TDRD6: variants seen among roughly 807,000 people sequenced by gnomAD.
TDRD6 encodes tudor domain containing 6.
A neutral mutation model predicts 157.5 loss-of-function variants in TDRD6; 186 were observed. That is an observed-to-expected ratio of 1.18 (90% CI 1.05 to 1.33). The LOEUF is 1.33. Ranked by LOEUF, TDRD6 falls within the 40% of genes most tolerant of loss-of-function variation. The pLI, the probability that TDRD6 is intolerant of heterozygous loss-of-function variation, is 0.00. For synonymous variants in TDRD6, 1,075 were observed against 945.2 expected (o/e 1.14, Z -2.52); for missense variants, 3,066 against 2,508.0 (o/e 1.22, Z -4.75).
At chr6:46,695,435 A>C (rs1288301279) in intron 1 of TDRD6, among the ~76,000 whole-genome samples, 2 of 152,150 alleles carry the variant, frequency 1.3e-5, no homozygotes, top group Non-Finnish European at 2.9e-5. Context: ...CATATTTAAT[A>C]ATAGTATTAA....
upstream of TDRD6, among the ~76,000 whole-genome samples, chr6:46,686,476 TA>T (rs35028991): frequency 0.33 from 42,342 of 127,696 alleles, 6,265 homozygotes; most frequent in South Asian, 0.52. Flanking sequence ...TAGAAGTATG[TA>T]AAAAAAAAAA....
rs1764305681 is a variant in TDRD6, at chr6:46,691,208, T to A, written c.3080T>A (p.Leu1027Gln). The change falls in exon 1 of 4, where the codon CTG (leucine) becomes CAG (glutamine). Residue 1027 changes from leucine to glutamine, a missense_variant. Physicochemically the swap from Leu to Gln is moderately radical, Grantham distance 113 (BLOSUM62 -2). Coordinates refer to ENST00000316081, the MANE Select transcript of TDRD6 (RefSeq NM_001010870.3). ...CSITQLSKVL[L>Q]NLKTSPLNPG... ...ATTACACAATTAAGTAAAGTTTTGC[T>A]GAATTTAAAAACATCTCCCTTGAAC... 26 of 1,613,258 alleles carry A rather than the reference T, an allele frequency of 1.6e-5. No homozygotes were observed. The highest frequency in any genetic ancestry group is 2.2e-5 in the Non-Finnish European group (26 of 1,179,744).
At chr6:46,697,376 C>T (rs939423206) in intron 2 of TDRD6, among the ~76,000 whole-genome samples, 1 of 152,090 alleles carries the variant, frequency 6.6e-6, no homozygotes, top group African/African-American at 2.4e-5. Flanking sequence ...CAATCCTATA[C>T]CTCCTACTAC....
intron 3 of TDRD6, among the ~76,000 whole-genome samples, chr6:46,700,039 C>A (rs1439707886): frequency 6.6e-6 from 1 of 152,028 alleles, no homozygotes; most frequent in Non-Finnish European, 1.5e-5. Flanking sequence ...GTCAAAAATA[C>A]CAGCCTACTA....
chr6:46,689,196 C>T lies in TDRD6; in HGVS notation c.1068C>T (p.Cys356=). 1.2e-6 allele frequency: 2 copies of T among 1,614,214 alleles called. No individual in the cohort carries two copies. Among genetic ancestry groups the T allele is most frequent in the Non-Finnish European group, 1.7e-6 (2 of 1,180,042 alleles). Residue 356 remains cysteine, a synonymous_variant, in exon 1 of 4, where the codon TGC becomes TGT. Transcript: ENST00000316081. ...VDYGRKELVS[C]SSLRYLLPEY... is the part of the protein sequence containing the mutation. ...ATGGAAGGAAGGAGTTAGTGAGTTG[C>T]AGCAGCCTTCGGTACTTGCTGCCTG...
At position 46,690,120 on chromosome 6, in the gene TDRD6, A is replaced by G. The variant is rs201787857; in HGVS notation, c.1992A>G (p.Gly664=). The G allele has an allele frequency of 8.8e-4, 1,413 of 1,613,724 alleles. 4 individuals are homozygous for G. The highest frequency in any genetic ancestry group is 1.0e-3 in the Non-Finnish European group (1,190 of 1,179,916). ...ENISKVIAQA[G]YAKYQEFETK... Reference sequence around the variant, plus strand: ...TTAGTAAGGTAATTGCCCAAGCTGGATATGCCAAGTATCAGGAATTTGAAA... The same window carrying G: ...TTAGTAAGGTAATTGCCCAAGCTGGGTATGCCAAGTATCAGGAATTTGAAA... Residue 664 remains glycine, a synonymous_variant, in exon 1 of 4, where the codon GGA becomes GGG. Coordinates refer to ENST00000316081, the MANE Select transcript of TDRD6 (RefSeq NM_001010870.3).
At position 46,694,004 on chromosome 6, in the gene TDRD6, T is replaced by A; in HGVS notation, c.5876T>A (p.Leu1959Gln). The change falls in exon 1 of 4, where the codon CTA becomes CAA. Residue 1959 changes from leucine (L) to glutamine (Q), a missense_variant. Physicochemically the swap from Leu to Gln is moderately radical, Grantham distance 113 (BLOSUM62 -2). Transcript: ENST00000316081. ...GACCAGCGCAGGATGTCATTGCATCTACATGGAGCAGATTGTGATCCTAAA... is the reference window on the plus strand; with the variant it reads ...GACCAGCGCAGGATGTCATTGCATCAACATGGAGCAGATTGTGATCCTAAA... ...FDDQRRMSLH[L>Q]HGADCDPKTQ... 6.2e-7 allele frequency: 1 copy of A among 1,613,886 alleles called. No individual in the cohort carries two copies. Among genetic ancestry groups the A allele is most frequent in the Non-Finnish European group, 8.5e-7 (1 of 1,179,946 alleles).
Position 46,693,059 on chromosome 6 carries a change from G to T in TDRD6, c.4931G>T (p.Gly1644Val). The change falls in exon 1 of 4, where the codon GGA (glycine) becomes GTA (valine). Residue 1644 changes from glycine to valine, a missense_variant. Coordinates refer to ENST00000316081, the MANE Select transcript of TDRD6 (RefSeq NM_001010870.3). Reference sequence around the variant, plus strand: ...CTCTCAGGGTTTAACATTTCAGAAGGATTATGTTCTCAAGAGGGAAATGAC... The same window carrying T: ...CTCTCAGGGTTTAACATTTCAGAAGTATTATGTTCTCAAGAGGGAAATGAC... Reference protein sequence around the residue: ...CCLSGFNISEGLCSQEGNDYF... With the variant: ...CCLSGFNISEVLCSQEGNDYF... The T allele has an allele frequency of 6.2e-7, 1 of 1,613,920 alleles. No individual in the cohort carries two copies. The highest frequency in any genetic ancestry group is 1.1e-5 in the South Asian group (1 of 91,022).
upstream of TDRD6, among the ~76,000 whole-genome samples, chr6:46,687,412 AGAT>A (rs796703205): frequency 4.1e-4 from 63 of 152,324 alleles, no homozygotes; most frequent in African/African-American, 1.3e-3. Context: ...TTATCAATTC[AGAT>A]GATGGAACAG....
chr6:46,688,269 C>T lies in TDRD6; in HGVS notation c.141C>T (p.Ser47=), dbSNP rs955306496. 2.0e-6 allele frequency: 3 copies of T among 1,504,646 alleles called. No homozygotes were observed. Among genetic ancestry groups the T allele is most frequent in the African/African-American group, 2.9e-5 (2 of 69,704 alleles). The allele number at this position is 1,504,646 out of a possible 1,614,324, so 93.2% of individuals were successfully genotyped here. ...GGCGGGGCGAGTACCTGCGGCTGAG[C>T]CGGGAAATCCAGGAAGCGGCGGCCA... ...GERRGEYLRL[S]REIQEAAATR... Residue 47 remains serine, a synonymous_variant, in exon 1 of 4, where the codon AGC becomes AGT. Transcript: ENST00000316081.
the TDRD6 span, among the ~76,000 whole-genome samples, chr6:46,682,577 TA>T: frequency 2.6e-5 from 4 of 151,330 alleles, no homozygotes; most frequent in South Asian, 2.1e-4. Flanking sequence ...ATTACATATA[TA>T]AAAAAAATCC....
chr6:46,698,030 A>T lies in TDRD6; in HGVS notation c.6204A>T (p.Ile2068=). 1 of 1,611,668 alleles carries T rather than the reference A, an allele frequency of 6.2e-7. No homozygotes were observed. Among genetic ancestry groups the T allele is most frequent in the Non-Finnish European group, 8.5e-7 (1 of 1,178,408 alleles). ...ACCTTTCAAATGGTATGGAGGAGAT[A>T]GTGAACCCTGAGAATGTCTGGAATG... ...VLNLSNGMEE[I]VNPENVWNGI... is the part of the protein sequence containing the mutation. The change falls in exon 3 of 4, where the codon ATA becomes ATT. Residue 2068 remains isoleucine (I), a synonymous_variant. Transcript: ENST00000316081.
Position 46,687,972 on chromosome 6 carries a change from G to C in TDRD6, c.-157G>C, listed in dbSNP as rs1043195403. Reference sequence around the variant, plus strand: ...GAGTCCCGGAGGACCCTCGACGGGGGAGTTGCCGAGAAAAGGCCTCGCCGG... The same window carrying C: ...GAGTCCCGGAGGACCCTCGACGGGGCAGTTGCCGAGAAAAGGCCTCGCCGG... On this transcript the variant is annotated 5_prime_UTR_variant, in exon 1 of 4. Transcript: ENST00000316081. The C allele has an allele frequency of 1.7e-6, 2 of 1,186,496 alleles. No homozygotes were observed. Among genetic ancestry groups the C allele is most frequent in the East Asian group, 3.1e-5 (1 of 31,926 alleles). The allele number at this position is 1,186,496 out of a possible 1,614,324, so 73.5% of individuals were successfully genotyped here. A position where few individuals can be genotyped will look rare whatever the true frequency, so the allele number is the denominator to read the frequency against.
Position 46,701,993 on chromosome 6 carries a change from A to G in TDRD6, c.*106A>G. ...GAGAAAATTGAAAACATGTAACCAC[A>G]AGAAGTTGTCATTTTCAAAAACTTC... On this transcript the variant is annotated 3_prime_UTR_variant, in exon 4 of 4. Coordinates refer to ENST00000316081, the MANE Select transcript of TDRD6 (RefSeq NM_001010870.3). The G allele has an allele frequency of 7.4e-7, 1 of 1,348,702 alleles. No individual in the cohort carries two copies. The highest frequency in any genetic ancestry group is 1.0e-6 in the Non-Finnish European group (1 of 964,226). 83.5% of individuals were successfully genotyped at this position (1,348,702 alleles called of 1,614,324 possible).
intron 3 of TDRD6, among the ~76,000 whole-genome samples, chr6:46,700,563 C>G (rs191085540): frequency 2.6e-5 from 4 of 152,196 alleles, no homozygotes; most frequent in African/African-American, 9.6e-5. Context: ...TACTGTATCA[C>G]ATAATGCATG....
rs200061106 is a variant in TDRD6 at position 46,691,082 on chromosome 6, G to A, written c.2954G>A (p.Gly985Glu). The change falls in exon 1 of 4, where the codon GGA (glycine) becomes GAA (glutamate). Residue 985 changes from glycine (G) to glutamate (E), a missense_variant. Coordinates refer to ENST00000316081, the MANE Select transcript of TDRD6 (RefSeq NM_001010870.3). ...YFYSTHDMKI[G>E]SEELVYITHI... Reference sequence around the variant, plus strand: ...TATTCTACACATGATATGAAAATTGGAAGTGAAGAATTAGTTTATATAACG... The same window carrying A: ...TATTCTACACATGATATGAAAATTGAAAGTGAAGAATTAGTTTATATAACG... The A allele has an allele frequency of 1.9e-6, 3 of 1,613,756 alleles. No homozygotes were observed. Among genetic ancestry groups the A allele is most frequent in the Non-Finnish European group, 2.5e-6 (3 of 1,179,912 alleles).
Position 46,688,890 on chromosome 6 carries a change from G to A in TDRD6, c.762G>A (p.Val254=). 6.2e-7 allele frequency: 1 copy of A among 1,607,022 alleles called. No individual in the cohort carries two copies. Among genetic ancestry groups the A allele is most frequent in the Admixed American group, 1.7e-5 (1 of 59,642 alleles). The change falls in exon 1 of 4, where the codon GTG becomes GTA. Residue 254 remains valine (V), a synonymous_variant. Transcript: ENST00000316081. ...TGCAGCTGGGCGTGACGGAGGCCGT[G>A]GTCATAACCCAAGTGTGCCATCCCC... The part of the protein sequence containing the change: ...PQLQLGVTEA[V]VITQVCHPHR...
intron 2 of TDRD6, among the ~76,000 whole-genome samples, chr6:46,697,700 A>G (rs977111800): frequency 5.3e-5 from 8 of 152,216 alleles, no homozygotes; most frequent in African/African-American, 1.9e-4. Context: ...CAGACTGGGC[A>G]GCATAGTGAA....
Position 46,689,574 on chromosome 6 carries a change from G to A in TDRD6, c.1446G>A (p.Arg482=). The A allele has an allele frequency of 1.9e-6, 3 of 1,614,154 alleles. No homozygotes were observed. Among genetic ancestry groups the A allele is most frequent in the East Asian group, 2.2e-5 (1 of 44,884 alleles). Residue 482 remains arginine, a synonymous_variant, in exon 1 of 4, where the codon AGG becomes AGA. Coordinates refer to ENST00000316081, the MANE Select transcript of TDRD6 (RefSeq NM_001010870.3). ...EISLPALRSI[R]LKMNAFYDAQ... is the part of the protein sequence containing the mutation. ...CACTCCCAGCCTTAAGATCTATCAG[G>A]TTAAAGATGAATGCCTTCTACGATG... is the stretch of plus-strand genomic sequence containing the variant.
Sources: gnomAD v4.1 joint callset for allele counts (sites outside exome capture counted in the v4.1 genomes callset) on GRCh38, gnomAD v4.1.1 for gene constraint, MANE v1.5 for transcripts, NCBI Gene and HGNC (gene_info 2026-07-23, HGNC 2026-07-21) for gene names.